STMND1: variants seen among roughly 807,000 people sequenced by gnomAD.
The protein encoded by STMND1 is stathmin domain-containing protein 1.
A neutral mutation model predicts 23.0 loss-of-function variants in STMND1; 17 were observed. The ratio of observed to expected loss-of-function variants is 0.74; its 90% CI spans 0.51 to 1.11. The LOEUF (loss-of-function observed/expected upper bound fraction) is 1.11. Ranked by LOEUF, STMND1 falls within the 50% of genes least tolerant of loss-of-function variation. The pLI is 0.00. For synonymous variants in STMND1, 114 were observed against 119.9 expected (o/e 0.95, Z 0.32); for missense variants, 305 against 329.1 (o/e 0.93, Z 0.57).
At chr6:17,129,963 A>C (rs986363618) in intron 4 of STMND1, among the ~76,000 whole-genome samples, 4 of 152,174 alleles carry the variant, frequency 2.6e-5, no homozygotes, top group African/African-American at 7.2e-5. Flanking sequence ...TTGGGATTAC[A>C]GACATCAGCC....
At chr6:17,112,672 G>A (rs1183104185) in intron 1 of STMND1, among the ~76,000 whole-genome samples, 1 of 152,150 alleles carries the variant, frequency 6.6e-6, no homozygotes, top group Non-Finnish European at 1.5e-5. Context: ...AGCTACTCAG[G>A]AGGCTGAGGC....
rs757013822 is a variant in STMND1, at chr6:17,114,956, T to C, written c.82-6T>C. The C allele has an allele frequency of 3.1e-5, 47 of 1,504,580 alleles. No individual in the cohort carries two copies. Among genetic ancestry groups the C allele is most frequent in the Non-Finnish European group, 4.0e-5 (45 of 1,135,154 alleles). 93.2% of individuals were successfully genotyped at this position (1,504,580 alleles called of 1,614,324 possible). A position where few individuals can be genotyped will look rare whatever the true frequency, so the allele number is the denominator to read the frequency against. ...TGACTCTAACAAAACTGTTCCCTTT[T>C]CACAGGCTGATGTCAGTGTGCCTCA... On this transcript the variant is annotated splice_polypyrimidine_tract_variant and splice_region_variant and intron_variant, in intron 1 of 4. Coordinates refer to ENST00000536551, the MANE Select transcript of STMND1 (RefSeq NM_001190766.2).
chr6:17,124,841 A>C (rs1761275883), intron 3 of STMND1, among the ~76,000 whole-genome samples: 1 of 151,724 alleles, frequency 6.6e-6, no homozygotes, highest in African/African-American at 2.4e-5. Flanking sequence ...CTACCAAAAA[A>C]AAAAAAAATT....
chr6:17,111,890 C>T (rs1761101074), intron 1 of STMND1, among the ~76,000 whole-genome samples: 1 of 152,120 alleles, frequency 6.6e-6, no homozygotes, highest in African/African-American at 2.4e-5. Flanking sequence ...AAAAGCAGAG[C>T]AAGTTAGCTG....
intron 1 of STMND1, among the ~76,000 whole-genome samples, chr6:17,114,267 T>C (rs960049916): frequency 9.0e-5 from 10 of 110,718 alleles, no homozygotes; most frequent in Admixed American, 1.6e-4. Context: ...TAGATTCTCT[T>C]TTTTTTTTTT....
intron 2 of STMND1, among the ~76,000 whole-genome samples, chr6:17,118,327 T>C (rs981276012): frequency 6.6e-6 from 1 of 152,170 alleles, no homozygotes; most frequent in African/African-American, 2.4e-5. Flanking sequence ...GTCAAACTTA[T>C]AAAAATAAAA....
chr6:17,102,240 G>A lies in STMND1; in HGVS notation c.-18G>A. 1 of 1,523,278 alleles carries A rather than the reference G, an allele frequency of 6.6e-7. No individual in the cohort carries two copies. Among genetic ancestry groups the A allele is most frequent in the African/African-American group, 1.4e-5 (1 of 71,404 alleles). 94.4% of individuals were successfully genotyped at this position (1,523,278 alleles called of 1,614,324 possible). A position where few individuals can be genotyped will look rare whatever the true frequency, so the allele number is the denominator to read the frequency against. On this transcript the variant is annotated 5_prime_UTR_variant, in exon 1 of 5. Transcript: ENST00000536551. The stretch of plus-strand genomic sequence containing the variant: ...GCACAGCAGCCAAGCCCGCGGAGGA[G>A]GAGCGCGCGCGCGCAGCATGGGCTG...
chr6:17,104,775 G>T (rs535577461), intron 1 of STMND1, among the ~76,000 whole-genome samples: 1 of 152,150 alleles, frequency 6.6e-6, no homozygotes, highest in East Asian at 1.9e-4. Flanking sequence ...TAAACCCATG[G>T]TCAAGAGTAT....
chr6:17,126,396 G>C (rs564387303), intron 3 of STMND1, among the ~76,000 whole-genome samples: 1 of 152,146 alleles, frequency 6.6e-6, no homozygotes, highest in East Asian at 1.9e-4. Flanking sequence ...ATCATTTTAA[G>C]ATTAAGCCAC....
intron 3 of STMND1, among the ~76,000 whole-genome samples, chr6:17,127,766 T>C (rs1273266605): frequency 6.6e-6 from 1 of 152,208 alleles, no homozygotes; most frequent in African/African-American, 2.4e-5. Context: ...AAAAAGTCTT[T>C]AGAGAAATTA....
intron 2 of STMND1, among the ~76,000 whole-genome samples, chr6:17,117,652 T>TGGATTTG (rs1485701029): frequency 2.9e-4 from 43 of 148,534 alleles, no homozygotes; most frequent in African/African-American, 1.0e-3. Flanking sequence ...TCCTCCTGAT[T>TGGATTTG]GGATTTGGGT....
At chr6:17,113,806 G>A (rs10949403) in intron 1 of STMND1, among the ~76,000 whole-genome samples, 47,220 of 151,802 alleles carry the variant, frequency 0.31, 7,492 homozygotes, top group Middle Eastern at 0.34. Context: ...ATATAGCTTC[G>A]TTATTATAAA....
intron 2 of STMND1, 81 bp downstream of exon 2, chr6:17,115,220 G>A: frequency 7.4e-7 from 1 of 1,350,232 alleles, no homozygotes; most frequent in Non-Finnish European, 9.8e-7. Context: ...TTCTTTGGTG[G>A]TCCTTTTATC....
chr6:17,125,153 CA>C (rs5874593), intron 3 of STMND1, among the ~76,000 whole-genome samples: 373 of 129,216 alleles, frequency 2.9e-3, no homozygotes, highest in African/African-American at 6.3e-3. Flanking sequence ...GCCATTTCTA[CA>C]AAAAAAAAAA....
chr6:17,130,967 ACCT>A lies in STMND1; in HGVS notation c.*88_*90del. ...ATGTCTCATATTCTTTGACTGACTG[ACCT>A]CATTCCACTGGGATTTCTGCCTTGG... On this transcript the variant is annotated 3_prime_UTR_variant, in exon 5 of 5. Transcript: ENST00000536551. The A allele has an allele frequency of 8.0e-7, 1 of 1,250,752 alleles. No individual in the cohort carries two copies. The highest frequency in any genetic ancestry group is 1.1e-6 in the Non-Finnish European group (1 of 927,082). The allele number at this position is 1,250,752 out of a possible 1,614,324, so 77.5% of individuals were successfully genotyped here.
intron 1 of STMND1, among the ~76,000 whole-genome samples, chr6:17,110,060 C>G (rs1761076901): frequency 6.6e-6 from 1 of 152,208 alleles, no homozygotes; most frequent in African/African-American, 2.4e-5. Context: ...GATTCCATCT[C>G]CCTGTCTTGT....
intron 1 of STMND1, among the ~76,000 whole-genome samples, chr6:17,114,605 C>T (rs1445735123): frequency 1.3e-5 from 2 of 152,176 alleles, no homozygotes; most frequent in Non-Finnish European, 2.9e-5. Context: ...CTAGATCCCT[C>T]GCATGTGCAG....
intron 3 of STMND1, chr6:17,127,835 A>G (rs1761329448): frequency 6.6e-6 from 1 of 152,240 alleles, no homozygotes; most frequent in South Asian, 2.1e-4. Flanking sequence ...ACCCCCACCC[A>G]GTTGTAATAA....
At chr6:17,109,694 A>T (rs201202970) in intron 1 of STMND1, among the ~76,000 whole-genome samples, 1 of 152,212 alleles carries the variant, frequency 6.6e-6, no homozygotes, top group East Asian at 1.9e-4. Context: ...ACACTTTCTA[A>T]TATTTCTGGA....
Sources: allele counts gnomAD v4.1 joint callset (sites outside exome capture counted in the v4.1 genomes callset), GRCh38; gene constraint gnomAD v4.1.1; transcripts MANE v1.5; gene names NCBI Gene and HGNC (gene_info 2026-07-23, HGNC 2026-07-21).